Variants in SAMD12 observed in about 807,000 individuals in gnomAD.
SAMD12 encodes sterile alpha motif domain containing 12.
In SAMD12, 9 loss-of-function variants were observed where a neutral mutation model predicts 15.0. The ratio of observed to expected loss-of-function variants is 0.60; its 90% CI spans 0.36 to 1.05. The LOEUF (loss-of-function observed/expected upper bound fraction) is 1.05. Ranked by LOEUF, SAMD12 falls within the 50% of genes least tolerant of loss-of-function variation. The pLI is 0.01. For missense variants in SAMD12, 230 were observed against 234.2 expected (o/e 0.98, Z 0.12); for synonymous variants, 86 against 90.1 (o/e 0.96, Z 0.25).
At chr8:118,439,786 G>A in intron 3 of SAMD12, 46 bp downstream of exon 3, 1 of 1,592,528 alleles carries the variant, frequency 6.3e-7, no homozygotes, top group Non-Finnish European at 8.6e-7. Flanking sequence ...TATCGTGACT[G>A]GGAGAAAGAA....
intron 2 of SAMD12, among the ~76,000 whole-genome samples, chr8:118,574,601 C>G (rs1827103303): frequency 6.6e-6 from 1 of 152,174 alleles, no homozygotes; most frequent in African/African-American, 2.4e-5. Flanking sequence ...AATTGTCATA[C>G]TTTTCAGAGC....
chr8:118,307,062 A>T (rs1815385235), intron 4 of SAMD12, among the ~76,000 whole-genome samples: 1 of 152,198 alleles, frequency 6.6e-6, no homozygotes, highest in African/African-American at 2.4e-5. Context: ...GCCTGGGAAC[A>T]TTGTTCCTTG....
intron 3 of SAMD12, among the ~76,000 whole-genome samples, chr8:118,402,957 G>T (rs1174455586): frequency 1.3e-5 from 2 of 152,206 alleles, no homozygotes; most frequent in African/African-American, 4.8e-5. Context: ...AGAGAAGCCA[G>T]CCAGAATACA....
chr8:118,211,315 A>G (rs1392677814), intron 4 of SAMD12, among the ~76,000 whole-genome samples: 2 of 152,202 alleles, frequency 1.3e-5, no homozygotes, highest in African/African-American at 2.4e-5. Flanking sequence ...CTCACTCATT[A>G]TGGTAGGGGC....
chr8:118,374,599 C>G (rs1467827439), downstream of SAMD12, among the ~76,000 whole-genome samples: 1 of 152,112 alleles, frequency 6.6e-6, no homozygotes, highest in East Asian at 1.9e-4. Context: ...TTCCCACTAA[C>G]AGTATACAGG....
the SAMD12 span, among the ~76,000 whole-genome samples, chr8:118,158,325 A>G: frequency 6.6e-6 from 1 of 152,236 alleles, no homozygotes; most frequent in Non-Finnish European, 1.5e-5. Context: ...AGAAAATAGT[A>G]CTGATGGCAG....
At chr8:118,287,846 T>C (rs1814135278) in intron 4 of SAMD12, among the ~76,000 whole-genome samples, 1 of 152,154 alleles carries the variant, frequency 6.6e-6, no homozygotes, top group South Asian at 2.1e-4. Flanking sequence ...GCCTGCTGGT[T>C]CATGGAAAAG....
At chr8:118,244,289 C>T (rs1586379233) in intron 4 of SAMD12, among the ~76,000 whole-genome samples, 1 of 152,056 alleles carries the variant, frequency 6.6e-6, no homozygotes, top group East Asian at 1.9e-4. Flanking sequence ...AAAAATTTGC[C>T]CAAATTCACA....
chr8:118,193,642 C>A (rs913166667), exon 5 of SAMD12: 2 of 152,074 alleles, frequency 1.3e-5, no homozygotes, highest in South Asian at 4.1e-4. Context: ...AAATTTTCAC[C>A]AAGATCAAGC....
intron 4 of SAMD12, among the ~76,000 whole-genome samples, chr8:118,220,320 T>A (rs1308899598): frequency 6.6e-6 from 1 of 152,242 alleles, no homozygotes; most frequent in African/African-American, 2.4e-5. Context: ...TACAAAGATA[T>A]ATCTATCCAC....
At chr8:118,523,680 T>C (rs182752440) in intron 2 of SAMD12, among the ~76,000 whole-genome samples, 1 of 152,254 alleles carries the variant, frequency 6.6e-6, no homozygotes, top group East Asian at 1.9e-4. Flanking sequence ...TGGTCTCCCT[T>C]GAAATTCAGA....
chr8:118,452,181 C>T (rs1823106115), intron 2 of SAMD12, among the ~76,000 whole-genome samples: 1 of 152,096 alleles, frequency 6.6e-6, no homozygotes, highest in South Asian at 2.1e-4. Flanking sequence ...TCTCAGACTG[C>T]CAGACATTTG....
At chr8:118,269,001 G>C (rs190505044) in intron 4 of SAMD12, among the ~76,000 whole-genome samples, 1 of 152,186 alleles carries the variant, frequency 6.6e-6, no homozygotes, top group African/African-American at 2.4e-5. Context: ...TGAATATAGA[G>C]AGTAAAAGAA....
intron 2 of SAMD12, among the ~76,000 whole-genome samples, chr8:118,567,252 T>C (rs1266620802): frequency 1.3e-5 from 2 of 152,128 alleles, no homozygotes; most frequent in Non-Finnish European, 2.9e-5. Flanking sequence ...GAGCCTGTGT[T>C]CTTTACTATG....
At chr8:118,251,873 G>T (rs1368806929) in intron 4 of SAMD12, among the ~76,000 whole-genome samples, 1 of 151,750 alleles carries the variant, frequency 6.6e-6, no homozygotes, top group African/African-American at 2.4e-5. Context: ...CAGCATAATC[G>T]ACAGCTGAGG....
At chr8:118,237,040 C>A (rs925964697) in intron 4 of SAMD12, among the ~76,000 whole-genome samples, 5 of 152,168 alleles carry the variant, frequency 3.3e-5, no homozygotes, top group African/African-American at 1.2e-4. Flanking sequence ...CCTTTCCCAT[C>A]TGTAAGTTGA....
the SAMD12 span, among the ~76,000 whole-genome samples, chr8:118,134,542 A>T: frequency 6.6e-6 from 1 of 152,340 alleles, no homozygotes; most frequent in Non-Finnish European, 1.5e-5. Flanking sequence ...CTGGTGAAAC[A>T]TGCAGATTTT....
chr8:118,350,180 C>T (rs76458688), intron 4 of SAMD12, among the ~76,000 whole-genome samples: 2,423 of 152,262 alleles, frequency 0.016, 64 homozygotes, highest in African/African-American at 0.055. Flanking sequence ...CACACAATCA[C>T]CTGTAAGATC....
intron 4 of SAMD12, among the ~76,000 whole-genome samples, chr8:118,358,625 C>CT (rs899587361): frequency 9.2e-5 from 14 of 152,036 alleles, no homozygotes; most frequent in East Asian, 3.8e-4. Context: ...CATAATTATA[C>CT]TTTTTTTTGT....
Sources: gnomAD v4.1 joint callset for allele counts (sites outside exome capture counted in the v4.1 genomes callset) on GRCh38, gnomAD v4.1.1 for gene constraint, MANE v1.5 for transcripts, NCBI Gene and HGNC (gene_info 2026-07-23, HGNC 2026-07-21) for gene names.